Variants in MFSD11 observed in about 807,000 individuals in gnomAD.
The protein encoded by MFSD11 is major facilitator superfamily domain containing 11, also known as UNC93-like protein MFSD11.
A neutral mutation model predicts 53.5 loss-of-function variants in MFSD11; 36 were observed. The ratio of observed to expected loss-of-function variants is 0.67; its 90% CI spans 0.52 to 0.89. The LOEUF is 0.89. MFSD11 is among the 40% of genes least tolerant of loss of function. The probability of loss-of-function intolerance (pLI) is 0.00; values close to 1 mark genes in which losing one functional copy is unlikely to be tolerated. For missense variants in MFSD11, 530 were observed against 543.9 expected (o/e 0.97, Z 0.25); for synonymous variants, 186 against 184.9 (o/e 1.01, Z -0.05).
At chr17:76,801,627 G>T in the MFSD11 span, among the ~76,000 whole-genome samples, 1 of 151,732 alleles carries the variant, frequency 6.6e-6, no homozygotes, top group East Asian at 2.0e-4. Context: ...TGCATTTTTC[G>T]TAGAGACAGG....
chr17:76,750,362 T>C (rs979414718), intron 7 of MFSD11, among the ~76,000 whole-genome samples: 1 of 146,684 alleles, frequency 6.8e-6, no homozygotes, highest in South Asian at 2.1e-4. Flanking sequence ...TGTGTGTTAG[T>C]AATTTTTTTT....
At chr17:76,738,492 A>G (rs758250498) in intron 1 of MFSD11, 44 bp downstream of exon 1, 5 of 1,386,360 alleles carry the variant, frequency 3.6e-6, no homozygotes, top group Non-Finnish European at 5.1e-6. Flanking sequence ...GCCCATCATA[A>G]TGCAGTCCAG....
At chr17:76,737,386 C>T (rs987789892), upstream of MFSD11, 1 of 505,488 alleles carries the variant, frequency 2.0e-6, no homozygotes, top group Non-Finnish European at 3.4e-6. Context: ...AAATGGCGCC[C>T]GCGCCACCCG....
rs561686309 is a variant in MFSD11 at position 76,761,997 on chromosome 17, C to T, written c.683-5389C>T. 3.3e-5 allele frequency among the ~76,000 whole-genome samples: 5 copies of T among 152,006 alleles called. No individual in the cohort carries two copies. The South Asian group carries it at 1.0e-3, about 32-fold the overall frequency. ...TAAAGAATCCATTGCAAAGTCAGTA[C>T]AATTTATTATATTCAGAGTCGTGTA... On this transcript the variant is annotated intron_variant, in intron 8 of 12. Transcript: ENST00000685175.
chr17:76,769,834 A>G lies in MFSD11; in HGVS notation c.837A>G (p.Gly279=). The G allele has an allele frequency of 1.2e-6, 2 of 1,612,140 alleles. No homozygotes were observed. Among genetic ancestry groups the G allele is most frequent in the African/African-American group, 1.3e-5 (1 of 74,922 alleles). ...GAGCAGAAGAGAAAAGCCTTATTGG[A>G]CTTTCTGGCATTTTCATCGGCATTG... ...KFGAEEKSLI[G]LSGIFIGIGE... The change falls in exon 10 of 13, where the codon GGA becomes GGG. Residue 279 remains glycine, a synonymous_variant. Transcript: ENST00000685175.
chr17:76,793,824 G>C, the MFSD11 span, among the ~76,000 whole-genome samples: 1 of 151,452 alleles, frequency 6.6e-6, no homozygotes, highest in African/African-American at 2.5e-5. Flanking sequence ...CCTCCATTCG[G>C]GGTCCCTGAC....
chr17:76,737,247 G>T, upstream of MFSD11: 1 of 1,450,638 alleles, frequency 6.9e-7, no homozygotes, highest in Non-Finnish European at 9.1e-7. Flanking sequence ...TCAGGCAGTT[G>T]CCTTCCGCGT....
At chr17:76,790,048 CTT>C in the MFSD11 span, among the ~76,000 whole-genome samples, 1 of 146,978 alleles carries the variant, frequency 6.8e-6, no homozygotes, top group Non-Finnish European at 1.5e-5. Context: ...TTAGACAACT[CTT>C]TTCTCTACAA....
chr17:76,787,063 T>C, the MFSD11 span, among the ~76,000 whole-genome samples: 2 of 151,740 alleles, frequency 1.3e-5, no homozygotes, highest in Non-Finnish European at 2.9e-5. Flanking sequence ...TTCTCATGTC[T>C]CTCGAACCTC....
At chr17:76,741,890 A>G in intron 3 of MFSD11, 79 bp from the exon 4 acceptor site, 1 of 1,607,004 alleles carries the variant, frequency 6.2e-7, no homozygotes, top group Non-Finnish European at 8.5e-7. Flanking sequence ...AGAATGTCAG[A>G]ACTGATTCCT....
At position 76,748,265 on chromosome 17, in the gene MFSD11, G is replaced by T. The variant is rs2078730964; in HGVS notation, c.641+3799G>T. 2.6e-5 allele frequency among the ~76,000 whole-genome samples: 4 copies of T among 152,294 alleles called. No homozygotes were observed. The South Asian group carries it at 8.3e-4, about 32-fold the overall frequency. Reference sequence around the variant, plus strand: ...GACAGGGTCAGATTATGTAAGCCAAGATAGGAGGTTTGTGTTTTCTTCTTA... The same window carrying T: ...GACAGGGTCAGATTATGTAAGCCAATATAGGAGGTTTGTGTTTTCTTCTTA... On this transcript the variant is annotated intron_variant, in intron 7 of 12. Coordinates refer to ENST00000685175, the MANE Select transcript of MFSD11 (RefSeq NM_001242532.5).
Position 76,778,547 on chromosome 17 carries a change from AGG to A in MFSD11, c.*197_*198del. The A allele has an allele frequency of 1.9e-6, 1 of 523,140 alleles. No homozygotes were observed. 32.4% of individuals were successfully genotyped at this position (523,140 alleles called of 1,614,324 possible). Reference sequence around the variant, plus strand: ...TGAGTTATTTAAAGCAAGTAGAATAAGGGAAAGCTGTTCTGTCAACTGTAATT... The same window carrying A: ...TGAGTTATTTAAAGCAAGTAGAATAAGAAAGCTGTTCTGTCAACTGTAATT... On this transcript the variant is annotated 3_prime_UTR_variant, in exon 13 of 13. Coordinates refer to ENST00000685175, the MANE Select transcript of MFSD11 (RefSeq NM_001242532.5).
intron 12 of MFSD11, among the ~76,000 whole-genome samples, chr17:76,777,509 A>G (rs932922156): frequency 6.6e-6 from 1 of 152,220 alleles, no homozygotes; most frequent in Non-Finnish European, 1.5e-5. Flanking sequence ...TGCTGGGATT[A>G]TAAACATGAG....
Position 76,776,151 on chromosome 17 carries a change from A to G in MFSD11, c.1050-255A>G, listed in dbSNP as rs989977598. Among the ~76,000 whole-genome samples, 3 of 151,840 alleles carry G rather than the reference A, an allele frequency of 2.0e-5. No homozygotes were observed. The highest frequency in any genetic ancestry group is 4.4e-5 in the Non-Finnish European group (3 of 67,964). ...GCGCCACTATGCCCAGCTAATTTTT[A>G]TATTTTTAGTAGAGATGGGGTTTTG... On this transcript the variant is annotated intron_variant, in intron 11 of 12. Transcript: ENST00000685175. This position sits in a 1 kb window ranked among gnomAD's most constrained non-coding sequence, Gnocchi z 4.2.
Position 76,778,737 on chromosome 17 carries a change from T to C in MFSD11, c.*385T>C, listed in dbSNP as rs990209478. The C allele has an allele frequency of 9.2e-5, 16 of 174,002 alleles. No homozygotes were observed. The highest frequency in any genetic ancestry group is 2.0e-4 in the Non-Finnish European group (16 of 81,014). 10.8% of individuals were successfully genotyped at this position (174,002 alleles called of 1,614,324 possible). On this transcript the variant is annotated 3_prime_UTR_variant, in exon 13 of 13. Coordinates refer to ENST00000685175, the MANE Select transcript of MFSD11 (RefSeq NM_001242532.5). The stretch of plus-strand genomic sequence containing the variant: ...ATATTTTTTCTGGATATGGAGTATG[T>C]TTTGCCATGTAATAATGGGAAGCAT...
At chr17:76,750,122 A>G (rs921342605) in intron 7 of MFSD11, among the ~76,000 whole-genome samples, 2 of 152,078 alleles carry the variant, frequency 1.3e-5, no homozygotes, top group African/African-American at 2.4e-5. Flanking sequence ...ACTGAATTAA[A>G]TTGGAAGTGA....
the MFSD11 span, among the ~76,000 whole-genome samples, chr17:76,796,810 C>CA: frequency 0.11 from 2,356 of 20,854 alleles, 75 homozygotes; most frequent in South Asian, 0.19. Flanking sequence ...ACTAAAAATA[C>CA]CAAAAAAAAA....
chr17:76,759,296 T>C (rs940968947), intron 8 of MFSD11, among the ~76,000 whole-genome samples: 5 of 151,778 alleles, frequency 3.3e-5, no homozygotes, highest in African/African-American at 9.7e-5. Flanking sequence ...TTTCTTTTTT[T>C]TTTTGAGATG....
In MFSD11 at chr17:76,740,966, T is replaced by C. The variant is rs139881915; in HGVS notation, c.162T>C (p.Ile54=). 7.1e-5 allele frequency: 114 copies of C among 1,602,566 alleles called. No individual in the cohort carries two copies. The East Asian group carries it at 2.5e-3, about 35-fold the overall frequency. The part of the protein sequence containing the change: ...FHGSGYTSMA[I]IYGVFSASNL... ...TGTATTATGTGTGCAGCATGGCTAT[T>C]ATCTATGGAGTGTTCTCTGCTTCAA... is the stretch of plus-strand genomic sequence containing the variant. Residue 54 remains isoleucine, a synonymous_variant, in exon 3 of 13, where the codon ATT becomes ATC. Transcript: ENST00000685175.
Sources: gnomAD v4.1 joint callset for allele counts (sites outside exome capture counted in the v4.1 genomes callset) on GRCh38, gnomAD v4.1.1 for gene constraint, Gnocchi (gnomAD v3.1) non-coding constraint, MANE v1.5 for transcripts, NCBI Gene and HGNC (gene_info 2026-07-23, HGNC 2026-07-21) for gene names.